POLE: variants seen among roughly 807,000 people sequenced by gnomAD.
POLE encodes DNA polymerase epsilon catalytic subunit A.
In POLE, 188 loss-of-function variants were observed where a neutral mutation model predicts 279.2. That is an observed-to-expected ratio of 0.67 (90% CI 0.60 to 0.76). POLE has a LOEUF of 0.76. POLE is among the 30% of genes least tolerant of loss of function. The pLI, the probability that POLE is intolerant of heterozygous loss-of-function variation, is 0.00. For synonymous variants in POLE, 1,214 were observed against 1,172.5 expected (o/e 1.04, Z -0.72); for missense variants, 2,703 against 3,016.7 (o/e 0.90, Z 2.44).
Position 132,664,252 on chromosome 12 carries a change from C to T in POLE, c.2562-104G>A. On this transcript the variant is annotated intron_variant, in intron 22 of 48. Coordinates refer to ENST00000320574, the MANE Select transcript of POLE (RefSeq NM_006231.4). This position sits in a 1 kb window ranked among gnomAD's most constrained non-coding sequence, Gnocchi z 5.3. The stretch of plus-strand genomic sequence containing the variant: ...TCCTTCCTGCCCAGTGTGTGGCCTC[C>T]AGCCTTCCCTCCTTCCTTCCTGCCC... 8.3e-7 allele frequency: 1 copy of T among 1,211,278 alleles called. No homozygotes were observed. The highest frequency in any genetic ancestry group is 1.2e-6 in the Non-Finnish European group (1 of 832,030). 75.0% of individuals were successfully genotyped at this position (1,211,278 alleles called of 1,614,324 possible).
At chr12:132,673,491 G>C (rs2135998209) in intron 13 of POLE, 84 bp downstream of exon 13, 1 of 1,564,370 alleles carries the variant, frequency 6.4e-7, no homozygotes, top group Non-Finnish European at 8.7e-7. Context: ...GAGCCGGGAT[G>C]TGGCTCACAT....
At chr12:132,645,812 ACAC>A (rs1240534670) in intron 32 of POLE, among the ~76,000 whole-genome samples, 1 of 149,278 alleles carries the variant, frequency 6.7e-6, no homozygotes, top group East Asian at 1.9e-4. Context: ...ACACACACAC[ACAC>A]AAAATCAAAG....
Position 132,642,178 on chromosome 12 carries a change from T to C in POLE, c.5172A>G (p.Thr1724=). Residue 1724 remains threonine, a splice_region_variant and synonymous_variant, in exon 38 of 49, where the codon ACA becomes ACG. Coordinates refer to ENST00000320574, the MANE Select transcript of POLE (RefSeq NM_006231.4). ...VEINSSGCYS[T]VCVELDLQNL... The stretch of plus-strand genomic sequence containing the variant: ...GGCCTCGTCCTCCCGCCCACTTACC[T>C]GTGGAGTAACAGCCTGAACTGTTGA... The C allele has an allele frequency of 6.4e-7, 1 of 1,553,680 alleles. No homozygotes were observed. The highest frequency in any genetic ancestry group is 1.2e-5 in the South Asian group (1 of 81,316).
In POLE at chr12:132,662,107, G is replaced by A. The variant is rs201123596; in HGVS notation, c.2707-423C>T. On this transcript the variant is annotated intron_variant, in intron 23 of 48. Coordinates refer to ENST00000320574, the MANE Select transcript of POLE (RefSeq NM_006231.4). ...CAGGGCTGTACGCTACAGAGTGAAC[G>A]TCACTGTGTGCAAATTACAAGCCAT... 1.2e-4 allele frequency among the ~76,000 whole-genome samples: 18 copies of A among 152,272 alleles called. No individual in the cohort carries two copies. In the East Asian group the frequency reaches 2.1e-3, roughly 18 times the overall value.
intron 39 of POLE, among the ~76,000 whole-genome samples, chr12:132,640,585 G>A (rs2042121102): frequency 6.6e-6 from 1 of 152,246 alleles, no homozygotes; most frequent in African/African-American, 2.4e-5. Context: ...GGGCAGAGAT[G>A]CCAGCTGCTC....
intron 9 of POLE, 91 bp from the exon 10 acceptor site, chr12:132,676,295 T>G: frequency 1.1e-6 from 1 of 874,276 alleles, no homozygotes; most frequent in South Asian, 1.4e-5. Flanking sequence ...TGCCTAGAGA[T>G]TCTCACTACA....
intron 32 of POLE, among the ~76,000 whole-genome samples, chr12:132,646,105 C>T (rs1456776464): frequency 6.6e-6 from 1 of 152,166 alleles, no homozygotes; most frequent in Non-Finnish European, 1.5e-5. Flanking sequence ...CAAAAGGACT[C>T]AGGTGCCAGC....
At chr12:132,648,120 T>C (rs556761137) in intron 32 of POLE, among the ~76,000 whole-genome samples, 15 of 152,234 alleles carry the variant, frequency 9.9e-5, no homozygotes, top group African/African-American at 3.4e-4. Flanking sequence ...TCTAAGAGCC[T>C]CAGCGCACTC....
chr12:132,657,726 G>A (rs980617120), intron 27 of POLE, 142 bp downstream of exon 27: 5 of 708,582 alleles, frequency 7.1e-6, no homozygotes, highest in Non-Finnish European at 1.2e-5. Context: ...AAGGTTATTA[G>A]GTGCTCACCT....
chr12:132,650,149 C>T (rs922718984), intron 29 of POLE: 38 of 477,830 alleles, frequency 8.0e-5, no homozygotes, highest in Admixed American at 4.1e-4. Context: ...TTGGAGGCTG[C>T]GGCGAACTAT....
chr12:132,657,937 G>A lies in POLE; in HGVS notation c.3309C>T (p.Pro1103=). 6.2e-7 allele frequency: 1 copy of A among 1,613,992 alleles called. No homozygotes were observed. ...TCCGGAGAAAGTGCTTCCTCACCGT[G>A]GGCTCTGCTTGGAAAATGGCAAGTG... ...AIPLAIFQAE[P]TVRKHFLRKW... Residue 1103 remains proline (P), a synonymous_variant, in exon 27 of 49, where the codon CCC becomes CCT. Transcript: ENST00000320574.
chr12:132,659,163 T>A, intron 26 of POLE, 132 bp downstream of exon 26: 1 of 897,406 alleles, frequency 1.1e-6, no homozygotes, highest in Admixed American at 2.7e-5. Flanking sequence ...AGGAACCCCT[T>A]ACCTCTCCGT....
At chr12:132,627,500 T>A (rs1292652183) in intron 45 of POLE, among the ~76,000 whole-genome samples, 2 of 152,046 alleles carry the variant, frequency 1.3e-5, no homozygotes, top group Non-Finnish European at 2.9e-5. Context: ...GGTTTTGCCA[T>A]GTTGCCCAGG....
intron 29 of POLE, among the ~76,000 whole-genome samples, chr12:132,651,964 C>T (rs138877824): frequency 6.6e-6 from 1 of 152,224 alleles, no homozygotes; most frequent in African/African-American, 2.4e-5. Flanking sequence ...AGATAGCTAA[C>T]ACGTTTATGA....
At chr12:132,657,328 T>A (rs1213233650) in intron 28 of POLE, 21 bp downstream of exon 28, 1 of 1,613,952 alleles carries the variant, frequency 6.2e-7, no homozygotes, top group Non-Finnish European at 8.5e-7. Flanking sequence ...CCACAGCCCG[T>A]GCCACTGACC....
intron 45 of POLE, among the ~76,000 whole-genome samples, chr12:132,628,212 CTT>C (rs1356412023): frequency 1.3e-5 from 2 of 152,068 alleles, no homozygotes; most frequent in Non-Finnish European, 2.9e-5. Flanking sequence ...TGTGGTGGCG[CTT>C]GCCTGTAGTC....
intron 41 of POLE, among the ~76,000 whole-genome samples, chr12:132,636,940 C>T (rs975406473): frequency 1.3e-5 from 2 of 152,230 alleles, no homozygotes; most frequent in African/African-American, 4.8e-5. Context: ...GCCTGTTTCT[C>T]GACATGAGCA....
rs201976648 is a variant in POLE, at chr12:132,681,310, T to A, written c.63-31A>T. 1.1e-4 allele frequency: 178 copies of A among 1,603,318 alleles called. No individual in the cohort carries two copies. The African/African-American group carries it at 2.1e-3, about 19-fold the overall frequency. ...TGAAAGAAGGGAACCCCGTGCTTAA[T>A]TTGTAATGCCACCTGCTGCTGCTTC... On this transcript the variant is annotated intron_variant, in intron 1 of 48. Transcript: ENST00000320574.
rs1593791480 is a variant in POLE at position 132,668,306 on chromosome 12, T to G, written c.2173+50A>C. ...AACGCAGCCCAGTAAGAACAGAAAG[T>G]GGGAGCAGGAGCCACATCTTTACAG... On this transcript the variant is annotated intron_variant, in intron 19 of 48. Coordinates refer to ENST00000320574, the MANE Select transcript of POLE (RefSeq NM_006231.4). This position sits in a 1 kb window ranked among gnomAD's most constrained non-coding sequence, Gnocchi z 4.0. 1 of 1,504,082 alleles carries G rather than the reference T, an allele frequency of 6.6e-7. No homozygotes were observed. Among genetic ancestry groups the G allele is most frequent in the Non-Finnish European group, 8.9e-7 (1 of 1,126,894 alleles). 93.2% of individuals were successfully genotyped at this position (1,504,082 alleles called of 1,614,324 possible). A position where few individuals can be genotyped will look rare whatever the true frequency, so the allele number is the denominator to read the frequency against.
Sources: allele counts gnomAD v4.1 joint callset (sites outside exome capture counted in the v4.1 genomes callset), GRCh38; gene constraint gnomAD v4.1.1; non-coding constraint Gnocchi (gnomAD v3.1); transcripts MANE v1.5; gene names NCBI Gene and HGNC (gene_info 2026-07-23, HGNC 2026-07-21).